DCAF1: variants seen among roughly 807,000 people sequenced by gnomAD.
DCAF1 encodes the protein DDB1- and CUL4-associated factor 1.
In DCAF1, 15 loss-of-function variants were observed where a neutral mutation model predicts 128.0. That is an observed-to-expected ratio of 0.12 (90% CI 0.08 to 0.18). The LOEUF (loss-of-function observed/expected upper bound fraction) is 0.18. Ranked by LOEUF, DCAF1 falls within the 10% of genes least tolerant of loss-of-function variation. The pLI is 1.00. For synonymous variants in DCAF1, 610 were observed against 603.0 expected (o/e 1.01, Z -0.17); for missense variants, 988 against 1,649.5 (o/e 0.60, Z 6.95).
In DCAF1 at chr3:51,487,985, T is replaced by A. The variant is rs190716844; in HGVS notation, c.-8-4149A>T. On this transcript the variant is annotated intron_variant, in intron 2 of 24. Transcript: ENST00000684031. Reference sequence around the variant, plus strand: ...GTTCAAGCGATTCTCCTGCCTCAGCTTCCCGAATAGCTGGGGCTACAGGCA... The same window carrying A: ...GTTCAAGCGATTCTCCTGCCTCAGCATCCCGAATAGCTGGGGCTACAGGCA... Among the ~76,000 whole-genome samples, 14 of 152,070 alleles carry A rather than the reference T, an allele frequency of 9.2e-5. 1 individual carries two copies. The highest frequency in any genetic ancestry group is 6.2e-4 in the South Asian group (3 of 4,822).
At chr3:51,437,983 C>G in intron 9 of DCAF1, 1 of 297,256 alleles carries the variant, frequency 3.4e-6, no homozygotes, top group Non-Finnish European at 6.7e-6. Context: ...AACAAAGTAA[C>G]TTATCATCTT....
At chr3:51,459,523 C>T (rs1328240907) in intron 6 of DCAF1, among the ~76,000 whole-genome samples, 17 of 152,152 alleles carry the variant, frequency 1.1e-4, no homozygotes, top group African/African-American at 3.9e-4. Context: ...TTCCAATCAA[C>T]AGAAAAAGAG....
In DCAF1 at chr3:51,419,004, C is replaced by T. The variant is rs942029503; in HGVS notation, c.3237-128G>A. ...ATGGCTTCTTCCAAAATCACAGTGA[C>T]CTTCAGTGCTTTTTATTTTAAATAA... On this transcript the variant is annotated intron_variant, in intron 15 of 24. Coordinates refer to ENST00000684031, the MANE Select transcript of DCAF1 (RefSeq NM_001387579.1). The T allele has an allele frequency of 2.2e-6, 3 of 1,358,370 alleles. No homozygotes were observed. The African/African-American group carries it at 4.4e-5, about 20-fold the overall frequency. The allele number at this position is 1,358,370 out of a possible 1,614,324, so 84.1% of individuals were successfully genotyped here. A position where few individuals can be genotyped will look rare whatever the true frequency, so the allele number is the denominator to read the frequency against.
At chr3:51,455,358 C>T (rs1197329854) in intron 6 of DCAF1, among the ~76,000 whole-genome samples, 1 of 152,146 alleles carries the variant, frequency 6.6e-6, no homozygotes, top group African/African-American at 2.4e-5. Context: ...GTAATCCCAG[C>T]ACTTTGGGAG....
At chr3:51,502,100 C>T (rs1453818461), upstream of DCAF1, among the ~76,000 whole-genome samples, 3 of 152,166 alleles carry the variant, frequency 2.0e-5, no homozygotes, top group African/African-American at 7.2e-5. Context: ...GATATCTCCC[C>T]TCTGACTATG....
Position 51,483,712 on chromosome 3 carries a change from T to C in DCAF1, c.110+7A>G. The C allele has an allele frequency of 6.2e-7, 1 of 1,610,776 alleles. No homozygotes were observed. The highest frequency in any genetic ancestry group is 1.1e-5 in the South Asian group (1 of 90,978). On this transcript the variant is annotated splice_region_variant and intron_variant, in intron 3 of 24. Coordinates refer to ENST00000684031, the MANE Select transcript of DCAF1 (RefSeq NM_001387579.1). Reference sequence around the variant, plus strand: ...ATTAAACTAGGTTTTAAAAAAGTTATTCATACCTGGTAAGGATAGGTACCA... The same window carrying C: ...ATTAAACTAGGTTTTAAAAAAGTTACTCATACCTGGTAAGGATAGGTACCA...
intron 2 of DCAF1, among the ~76,000 whole-genome samples, chr3:51,484,682 CTTT>C (rs1228009412): frequency 3.1e-5 from 4 of 127,072 alleles, no homozygotes; most frequent in Admixed American, 9.0e-5. Flanking sequence ...TTAATTTTTT[CTTT>C]TTTTTTTTTT....
At chr3:51,465,668 C>T (rs1020652556) in intron 5 of DCAF1, among the ~76,000 whole-genome samples, 10 of 151,900 alleles carry the variant, frequency 6.6e-5, no homozygotes, top group African/African-American at 2.4e-4. Flanking sequence ...TCACTTGAAC[C>T]CAGGAGGCAG....
At chr3:51,500,424 T>C (rs1215412296), upstream of DCAF1, among the ~76,000 whole-genome samples, 3 of 152,212 alleles carry the variant, frequency 2.0e-5, no homozygotes, top group South Asian at 2.1e-4. Flanking sequence ...CTCTGTTTTA[T>C]TTGGCCATTT....
intron 6 of DCAF1, among the ~76,000 whole-genome samples, chr3:51,452,692 G>A (rs1215136055): frequency 3.3e-5 from 5 of 152,230 alleles, no homozygotes; most frequent in African/African-American, 1.2e-4. Context: ...AGGACAACAT[G>A]GAAATTTTCA....
chr3:51,494,616 T>C (rs1279628469), intron 2 of DCAF1, among the ~76,000 whole-genome samples: 1 of 152,126 alleles, frequency 6.6e-6, no homozygotes, highest in Non-Finnish European at 1.5e-5. Flanking sequence ...CTTAAGCAGT[T>C]AGCCTACTAG....
At chr3:51,404,315 C>G (rs1553625945) in intron 23 of DCAF1, among the ~76,000 whole-genome samples, 1 of 152,138 alleles carries the variant, frequency 6.6e-6, no homozygotes, top group Non-Finnish European at 1.5e-5. Flanking sequence ...CTAATTGTTA[C>G]AATAATAAAA....
At chr3:51,422,272 C>G in intron 14 of DCAF1, 35 bp downstream of exon 14, 1 of 744,596 alleles carries the variant, frequency 1.3e-6, no homozygotes, top group South Asian at 1.4e-5. Context: ...CAAATCCAGA[C>G]CAAGAAACAA....
chr3:51,474,699 C>A (rs951086062), intron 3 of DCAF1, among the ~76,000 whole-genome samples: 6 of 151,410 alleles, frequency 4.0e-5, no homozygotes, highest in African/African-American at 1.5e-4. Flanking sequence ...TACCTCACTG[C>A]AGCCTCAAAC....
intron 9 of DCAF1, chr3:51,438,090 C>T (rs782118365): frequency 9.0e-6 from 4 of 442,834 alleles, no homozygotes; most frequent in Middle Eastern, 3.4e-4. Flanking sequence ...CTGACTTCTG[C>T]ATGCCCAAAA....
rs782363207 is a variant in DCAF1 at position 51,474,784 on chromosome 3, C to CT, written c.111-3780dup. Reference sequence around the variant, plus strand: ...TACAGGTGTCAATCAGCATGCCTGGCTTTTTTTTTTTTTTTTTTGAGATGG... The same window carrying CT: ...TACAGGTGTCAATCAGCATGCCTGGCTTTTTTTTTTTTTTTTTTTGAGATGG... On this transcript the variant is annotated intron_variant, in intron 3 of 24. Transcript: ENST00000684031. 4.0e-3 allele frequency among the ~76,000 whole-genome samples: 490 copies of CT among 121,786 alleles called. 4 individuals carry two copies. The highest frequency in any genetic ancestry group is 0.012 in the Middle Eastern group (3 of 244). 79.9% of individuals were successfully genotyped at this position (121,786 alleles called of 152,430 possible).
chr3:51,433,837 T>C (rs981768637), intron 9 of DCAF1, among the ~76,000 whole-genome samples: 2 of 150,606 alleles, frequency 1.3e-5, no homozygotes, highest in Middle Eastern at 3.4e-3. Flanking sequence ...TCCCAGCACT[T>C]TGGGAGGCCA....
intron 1 of DCAF1, 136 bp downstream of exon 1, chr3:51,499,736 CG>C (rs1319722657): frequency 1.3e-5 from 2 of 151,770 alleles, no homozygotes; most frequent in Non-Finnish European, 2.9e-5. Context: ...CAGACCGGCC[CG>C]CCCCCTCCTC....
intron 23 of DCAF1, among the ~76,000 whole-genome samples, chr3:51,406,114 C>T (rs565680938): frequency 3.3e-5 from 5 of 152,010 alleles, no homozygotes; most frequent in South Asian, 4.2e-4. Flanking sequence ...GAGGCTGAGG[C>T]GGGCAGATCA....
Sources: allele counts gnomAD v4.1 joint callset (sites outside exome capture counted in the v4.1 genomes callset), GRCh38; gene constraint gnomAD v4.1.1; transcripts MANE v1.5; gene names NCBI Gene and HGNC (gene_info 2026-07-23, HGNC 2026-07-21).